TP53BP1: variants seen among roughly 807,000 people sequenced by gnomAD.
The protein encoded by TP53BP1 is tumor protein p53 binding protein 1.
In TP53BP1, 61 loss-of-function variants were observed where a neutral mutation model predicts 200.8. The ratio of observed to expected loss-of-function variants is 0.30; its 90% CI spans 0.25 to 0.38. TP53BP1 has a LOEUF of 0.38. Ranked by LOEUF, TP53BP1 falls within the 10% of genes least tolerant of loss-of-function variation. The pLI is 1.00. For synonymous variants in TP53BP1, 822 were observed against 844.3 expected, an observed-to-expected ratio of 0.97 and a Z score of 0.46; for missense variants, 2,144 against 2,371.9, an observed-to-expected ratio of 0.90 and a Z score of 2.00.
Position 43,480,944 on chromosome 15 carries a change from C to G in TP53BP1, c.450G>C (p.Glu150Asp). 1 of 1,614,154 alleles carries G rather than the reference C, an allele frequency of 6.2e-7. No homozygotes were observed. Among genetic ancestry groups the G allele is most frequent in the Non-Finnish European group, 8.5e-7 (1 of 1,180,010 alleles). The change falls in exon 5 of 28, where the codon GAG becomes GAC. Residue 150 changes from glutamate (E) to aspartate (D), a missense_variant. Physicochemically the swap from Glu to Asp is conservative, Grantham distance 45 (BLOSUM62 2). This residue lies in a region of TP53BP1 where 1,700 missense variants were observed against 1,710.3 expected (regional missense o/e 0.99). Transcript: ENST00000382044. ...TATTGCCTGAAGTATCTTCTTCCTT[C>G]TCTTTCTCCTTCTGTTCCAACTCTT... ...KGEELEQKEK[E>D]KEEDTSGNTT...
intron 11 of TP53BP1, among the ~76,000 whole-genome samples, chr15:43,459,948 G>A (rs1007757321): frequency 1.3e-5 from 2 of 152,190 alleles, no homozygotes; most frequent in Non-Finnish European, 2.9e-5. Context: ...GGCGGGAGAA[G>A]GGAGTATACT....
chr15:43,430,232 A>G (rs2045638621), intron 17 of TP53BP1, among the ~76,000 whole-genome samples: 1 of 152,216 alleles, frequency 6.6e-6, no homozygotes, highest in Non-Finnish European at 1.5e-5. Context: ...GTGTCAAAGT[A>G]GGCTGCCTAT....
rs1265212337 is a variant in TP53BP1 at position 43,416,253 on chromosome 15, AG to A, written c.4844del (p.Pro1615LeufsTer10). The A allele has an allele frequency of 6.2e-7, 1 of 1,613,858 alleles. No homozygotes were observed. Among genetic ancestry groups the A allele is most frequent in the Non-Finnish European group, 8.5e-7 (1 of 1,179,970 alleles). On this transcript the variant is annotated frameshift_variant, in exon 22 of 28. Transcript: ENST00000382044. LOFTEE classifies it high-confidence loss of function. The stretch of plus-strand genomic sequence containing the variant: ...AGCTGATATCTGCTGCCTTTGTAAG[AG>A]GTGTTACTGCTTCATAGGGGCCAAG... ...YGLGPYEAVT[P>X]LTKAADISLD...
chr15:43,454,722 T>A (rs2046254338), intron 12 of TP53BP1, among the ~76,000 whole-genome samples: 1 of 151,928 alleles, frequency 6.6e-6, no homozygotes, highest in Non-Finnish European at 1.5e-5. Context: ...AATGTCATAC[T>A]CTACAAATTA....
intron 11 of TP53BP1, among the ~76,000 whole-genome samples, chr15:43,465,799 TTTGTTGTTG>T (rs142110979): frequency 4.6e-5 from 7 of 150,676 alleles, no homozygotes; most frequent in African/African-American, 1.5e-4. Context: ...TGTTTTGTTT[TTTGTTGTTG>T]TTGTTGTTGT....
In TP53BP1 at chr15:43,407,404, T is replaced by C. The variant is rs754956432; in HGVS notation, c.5913A>G (p.Lys1971=). Residue 1971 remains lysine (K), a synonymous_variant, in exon 28 of 28, where the codon AAA becomes AAG. Coordinates refer to ENST00000382044, the MANE Select transcript of TP53BP1 (RefSeq NM_001141980.3). The part of the protein sequence containing the change: ...RIGFKQHPKY[K]HDYVSH ...ATCTTTAGTGAGAAACATAATCGTG[T>C]TTATATTTTGGATGCTGCTTGAATC... The C allele has an allele frequency of 3.7e-6, 6 of 1,614,060 alleles. No individual in the cohort carries two copies. The South Asian group carries it at 4.4e-5, about 12-fold the overall frequency.
intron 1 of TP53BP1, 80 bp from the exon 2 acceptor site, chr15:43,492,548 G>T: frequency 1.7e-6 from 2 of 1,167,692 alleles, no homozygotes; most frequent in Non-Finnish European, 2.5e-6. Context: ...TAATGGGGCG[G>T]AAGTACAAGA....
intron 11 of TP53BP1, among the ~76,000 whole-genome samples, chr15:43,466,376 G>C (rs1244746025): frequency 1.3e-5 from 2 of 152,110 alleles, no homozygotes; most frequent in African/African-American, 4.8e-5. Context: ...GATTTAATGA[G>C]AGTCAAAGAA....
Position 43,493,020 on chromosome 15 carries a change from T to C in TP53BP1, c.7+17A>G, listed in dbSNP as rs1300520990. On this transcript the variant is annotated intron_variant, in intron 1 of 27. Transcript: ENST00000382044. ...CCTTCAGAGCCCACTGCACTCCCAT[T>C]TCTCTCCAAACAGTACCAGGCATCC... The C allele has an allele frequency of 6.2e-7, 1 of 1,611,960 alleles. No individual in the cohort carries two copies. The highest frequency in any genetic ancestry group is 8.5e-7 in the Non-Finnish European group (1 of 1,179,152).
rs930535445 is a variant in TP53BP1 at position 43,455,948 on chromosome 15, T to C, written c.2660A>G (p.Gln887Arg). Reference protein sequence around the residue: ...AKQLSSDAEAQKLGKPSAHAS... With the variant: ...AKQLSSDAEARKLGKPSAHAS... ...ATGGGCAGAGGGCTTCCCCAGCTTC[T>C]GGGCCTCTGCATCTGAGCTTAGCTG... is the stretch of plus-strand genomic sequence containing the variant. The change falls in exon 12 of 28, where the codon CAG becomes CGG. Residue 887 changes from glutamine to arginine, a missense_variant. By Grantham distance (43) the Gln-to-Arg change is conservative. This residue lies in a region of TP53BP1 where 1,700 missense variants were observed against 1,710.3 expected (regional missense o/e 0.99). Transcript: ENST00000382044. The C allele has an allele frequency of 6.2e-7, 1 of 1,614,230 alleles. No individual in the cohort carries two copies. The highest frequency in any genetic ancestry group is 8.5e-7 in the Non-Finnish European group (1 of 1,180,050).
chr15:43,440,947 A>G (rs1213931934), intron 15 of TP53BP1, among the ~76,000 whole-genome samples: 2 of 152,206 alleles, frequency 1.3e-5, no homozygotes, highest in South Asian at 2.1e-4. Context: ...AACTGCTATT[A>G]GCGTTTTCAG....
intron 4 of TP53BP1, among the ~76,000 whole-genome samples, chr15:43,486,111 T>G (rs2140141248): frequency 6.6e-6 from 1 of 151,402 alleles, no homozygotes; most frequent in South Asian, 2.1e-4. Flanking sequence ...CGGAGGTGCC[T>G]CACGCCCGTA....
intron 14 of TP53BP1, among the ~76,000 whole-genome samples, chr15:43,443,801 T>C (rs2045983305): frequency 6.6e-6 from 1 of 152,236 alleles, no homozygotes; most frequent in Non-Finnish European, 1.5e-5. Context: ...ACAATGTCAC[T>C]AATTTCAAGG....
At chr15:43,490,352 T>G (rs1434755776) in intron 4 of TP53BP1, among the ~76,000 whole-genome samples, 1 of 151,626 alleles carries the variant, frequency 6.6e-6, no homozygotes. Flanking sequence ...CCTCCCGAAG[T>G]GCTGGGATTA....
At chr15:43,439,705 A>C (rs573658586) in intron 15 of TP53BP1, among the ~76,000 whole-genome samples, 5 of 152,296 alleles carry the variant, frequency 3.3e-5, no homozygotes, top group African/African-American at 1.2e-4. Context: ...CAACAATATC[A>C]AAAATTTCAT....
chr15:43,456,219 G>C lies in TP53BP1; in HGVS notation c.2389C>G (p.Pro797Ala), dbSNP rs749008008. 3.7e-6 allele frequency: 6 copies of C among 1,614,030 alleles called. No homozygotes were observed. In the South Asian group the frequency reaches 6.6e-5, roughly 18 times the overall value. The change falls in exon 12 of 28, where the codon CCA becomes GCA. Residue 797 changes from proline (P) to alanine (A), a missense_variant. Coordinates refer to ENST00000382044, the MANE Select transcript of TP53BP1 (RefSeq NM_001141980.3). Reference protein sequence around the residue: ...SDSQSWEDIAPEIEPCAENRL... With the variant: ...SDSQSWEDIAAEIEPCAENRL... ...TTCTCAGCACATGGTTCTATTTCTGGAGCAATATCCTCCCATGACTGGGAA... is the reference window on the plus strand; with the variant it reads ...TTCTCAGCACATGGTTCTATTTCTGCAGCAATATCCTCCCATGACTGGGAA...
chr15:43,420,857 CAGGCATG>C, intron 20 of TP53BP1, 122 bp from the exon 21 acceptor site: 1 of 1,282,358 alleles, frequency 7.8e-7, no homozygotes, highest in Non-Finnish European at 1.1e-6. Flanking sequence ...AACCCCATCA[CAGGCATG>C]AGCCTGGTCT....
chr15:43,477,257 G>A (rs939995565), intron 8 of TP53BP1, among the ~76,000 whole-genome samples: 7 of 147,588 alleles, frequency 4.7e-5, no homozygotes, highest in African/African-American at 1.0e-4. Context: ...CCGAGATTGC[G>A]CCACTGCACT....
At chr15:43,422,167 A>G (rs984672113) in intron 18 of TP53BP1, 41 bp from the exon 19 acceptor site, 1 of 1,593,350 alleles carries the variant, frequency 6.3e-7, no homozygotes, top group Non-Finnish European at 8.5e-7. Context: ...AAGATGCCAT[A>G]ATAACACAAT....
Sources: allele counts gnomAD v4.1 joint callset (sites outside exome capture counted in the v4.1 genomes callset), GRCh38; gene constraint gnomAD v4.1.1; regional missense constraint gnomAD v4.1.1; transcripts MANE v1.5; gene names NCBI Gene and HGNC (gene_info 2026-07-23, HGNC 2026-07-21).